Variants in BCAS3 observed in about 807,000 individuals in gnomAD.
The protein encoded by BCAS3 is BCAS3 microtubule associated cell migration factor.
In BCAS3, 53 loss-of-function variants were observed where a neutral mutation model predicts 116.1. That is an observed-to-expected ratio of 0.46 (90% CI 0.37 to 0.57). The LOEUF (loss-of-function observed/expected upper bound fraction) is 0.57. Among genes scored for constraint, BCAS3 ranks in the 20% least tolerant of loss-of-function variants. The pLI is 0.00. For missense variants in BCAS3, 917 were observed against 1,165.4 expected, an observed-to-expected ratio of 0.79 and a Z score of 3.10; for synonymous variants, 391 against 408.2, an observed-to-expected ratio of 0.96 and a Z score of 0.51.
In BCAS3 at chr17:61,131,441, A is replaced by G. The variant is rs1174836467; in HGVS notation, c.2425+46877A>G. On this transcript the variant is annotated intron_variant, in intron 22 of 23. Coordinates refer to ENST00000407086, the MANE Select transcript of BCAS3 (RefSeq NM_017679.5). The surrounding 1 kb of genome is among the most constrained non-coding windows in gnomAD (Gnocchi z 4.4). ...GTATGAAAATTATTAAGCCAGGGGT[A>G]TAAATTACAATTCGTTAAATAAATT... 6.6e-6 allele frequency among the ~76,000 whole-genome samples: 1 copy of G among 152,242 alleles called. No homozygotes were observed. Among genetic ancestry groups the G allele is most frequent in the Non-Finnish European group, 1.5e-5 (1 of 68,046 alleles).
intron 10 of BCAS3, among the ~76,000 whole-genome samples, chr17:60,892,366 G>A (rs143278806): frequency 6.7e-6 from 1 of 149,338 alleles, no homozygotes; most frequent in East Asian, 2.0e-4. Flanking sequence ...AGGCTAGAGT[G>A]CAATGGCATG....
chr17:61,321,462 C>G (rs1032589423), intron 22 of BCAS3, among the ~76,000 whole-genome samples: 2 of 152,200 alleles, frequency 1.3e-5, no homozygotes, highest in Non-Finnish European at 2.9e-5. Flanking sequence ...AATGCATGAG[C>G]AAAAGCAGCA....
At chr17:61,275,570 C>G (rs140013126) in intron 22 of BCAS3, among the ~76,000 whole-genome samples, 1 of 152,182 alleles carries the variant, frequency 6.6e-6, no homozygotes, top group African/African-American at 2.4e-5. Flanking sequence ...GGCACAATCA[C>G]AGTGAGCAGT....
chr17:61,292,888 A>G (rs1436214580), intron 22 of BCAS3, among the ~76,000 whole-genome samples: 2 of 152,330 alleles, frequency 1.3e-5, no homozygotes, highest in East Asian at 3.9e-4. Context: ...ATCAATACAT[A>G]CAGAATATTT....
chr17:60,680,040 A>G (rs1025665992), intron 2 of BCAS3, among the ~76,000 whole-genome samples: 2 of 149,832 alleles, frequency 1.3e-5, no homozygotes, highest in South Asian at 4.3e-4. Context: ...AGGCTGAGTC[A>G]GGAGAATGAC....
Position 61,226,796 on chromosome 17 carries a change from T to C in BCAS3, c.2426-141531T>C, listed in dbSNP as rs2082393516. Among the ~76,000 whole-genome samples, 1 of 151,928 alleles carries C rather than the reference T, an allele frequency of 6.6e-6. No individual in the cohort carries two copies. The highest frequency in any genetic ancestry group is 1.5e-5 in the Non-Finnish European group (1 of 67,932). On this transcript the variant is annotated intron_variant, in intron 22 of 23. Coordinates refer to ENST00000407086, the MANE Select transcript of BCAS3 (RefSeq NM_017679.5). This position sits in a 1 kb window ranked among gnomAD's most constrained non-coding sequence, Gnocchi z 6.0. ...TCATTTAATCCTCACAGCAGCCATA[T>C]GAGATTGCTGTTACTGTATCACATT... is the stretch of plus-strand genomic sequence containing the variant.
chr17:61,059,546 CCTT>C (rs2143285705), intron 19 of BCAS3, among the ~76,000 whole-genome samples: 1 of 152,140 alleles, frequency 6.6e-6, no homozygotes, highest in African/African-American at 2.4e-5. Context: ...GAATGAATAC[CCTT>C]CTTCCGTGAG....
Position 60,990,002 on chromosome 17 carries a change from G to T in BCAS3, c.1253G>T (p.Arg418Leu). 3 of 1,613,976 alleles carry T rather than the reference G, an allele frequency of 1.9e-6. No individual in the cohort carries two copies. The highest frequency in any genetic ancestry group is 1.7e-6 in the Non-Finnish European group (2 of 1,180,002). The change falls in exon 15 of 24, where the codon CGC (arginine) becomes CTC (leucine). Residue 418 changes from arginine (R) to leucine (L), a missense_variant. Transcript: ENST00000407086. This position sits in a 1 kb window ranked among gnomAD's most constrained non-coding sequence, Gnocchi z 5.1. ...GACATCTGCTTCAGCCATGACTGTCGCTGGGTTGTGGTCAGTACTCTCCGG... is the reference window on the plus strand; with the variant it reads ...GACATCTGCTTCAGCCATGACTGTCTCTGGGTTGTGGTCAGTACTCTCCGG... ...VQDICFSHDC[R>L]WVVVSTLRGT...
intron 7 of BCAS3, among the ~76,000 whole-genome samples, chr17:60,861,814 A>G (rs2054183803): frequency 6.6e-6 from 1 of 152,208 alleles, no homozygotes; most frequent in Non-Finnish European, 1.5e-5. Flanking sequence ...ATGTTGAACC[A>G]AACTTGCATC....
chr17:60,786,329 C>G (rs1213989060), intron 6 of BCAS3, among the ~76,000 whole-genome samples: 1 of 151,968 alleles, frequency 6.6e-6, no homozygotes, highest in Non-Finnish European at 1.5e-5. Context: ...GCACCTAATT[C>G]TGATTCCACC....
intron 19 of BCAS3, among the ~76,000 whole-genome samples, chr17:61,045,976 ATT>A (rs1491585726): frequency 8.1e-4 from 8 of 9,830 alleles, no homozygotes; most frequent in African/African-American, 1.4e-3. Context: ...ATATATATAT[ATT>A]ATATATATAT....
chr17:61,244,866 A>AT lies in BCAS3; in HGVS notation c.2426-123461_2426-123460insT, dbSNP rs2047809192. Among the ~76,000 whole-genome samples, 1 of 152,226 alleles carries AT rather than the reference A, an allele frequency of 6.6e-6. No individual in the cohort carries two copies. Among genetic ancestry groups the AT allele is most frequent in the African/African-American group, 2.4e-5 (1 of 41,452 alleles). On this transcript the variant is annotated intron_variant, in intron 22 of 23. Coordinates refer to ENST00000407086, the MANE Select transcript of BCAS3 (RefSeq NM_017679.5). This position sits in a 1 kb window ranked among gnomAD's most constrained non-coding sequence, Gnocchi z 4.9. ...CAACAGAGTGAGACTCCGTCTCAAA[A>AT]AAAATAAATAAATAAAAAAGGATAT...
chr17:60,777,264 T>G (rs1375197214), intron 6 of BCAS3, among the ~76,000 whole-genome samples: 1 of 152,178 alleles, frequency 6.6e-6, no homozygotes, highest in Non-Finnish European at 1.5e-5. Context: ...TTGCCACTAC[T>G]GTTATGAGAC....
At chr17:61,267,733 A>G (rs949859112) in intron 22 of BCAS3, among the ~76,000 whole-genome samples, 44 of 151,744 alleles carry the variant, frequency 2.9e-4, no homozygotes, top group Admixed American at 1.6e-3. Context: ...AGAAAAAAAA[A>G]AAAAGAAAAG....
intron 6 of BCAS3, among the ~76,000 whole-genome samples, chr17:60,751,171 A>G (rs2042421159): frequency 6.6e-6 from 1 of 152,196 alleles, no homozygotes; most frequent in Non-Finnish European, 1.5e-5. Flanking sequence ...TTTAATGGGC[A>G]TTTACTCATG....
rs138396075 is a variant in BCAS3 at position 61,366,115 on chromosome 17, C to T, written c.2426-2212C>T. ...CCAAGATCATACCACTGCACTCCAT[C>T]CTGGGCGACAGAGTGAGACTGTCTC... On this transcript the variant is annotated intron_variant, in intron 22 of 23. Transcript: ENST00000407086. The surrounding 1 kb of genome is among the most constrained non-coding windows in gnomAD (Gnocchi z 4.5). Among the ~76,000 whole-genome samples the T allele has an allele frequency of 3.6e-3, 534 of 150,170 alleles. 5 individuals are homozygous for T. The highest frequency in any genetic ancestry group is 4.1e-3 in the Non-Finnish European group (275 of 67,722).
chr17:60,975,521 A>AT (rs1427984965), intron 14 of BCAS3, among the ~76,000 whole-genome samples: 2 of 152,168 alleles, frequency 1.3e-5, no homozygotes, highest in East Asian at 3.9e-4. Flanking sequence ...TGTTCCTTTC[A>AT]TTTTTTTATG....
At chr17:60,811,379 A>G (rs1053952040) in intron 7 of BCAS3, 1 of 619,276 alleles carries the variant, frequency 1.6e-6, no homozygotes, top group African/African-American at 1.8e-5. Flanking sequence ...CTCCAGGCAA[A>G]CCATCCAGAA....
At chr17:61,335,918 C>T (rs2056683448) in intron 22 of BCAS3, among the ~76,000 whole-genome samples, 3 of 152,394 alleles carry the variant, frequency 2.0e-5, no homozygotes. Context: ...CCCAGCCTAG[C>T]AGCTGTGGCT....
Sources: gnomAD v4.1 joint callset for allele counts (sites outside exome capture counted in the v4.1 genomes callset) on GRCh38, gnomAD v4.1.1 for gene constraint, Gnocchi (gnomAD v3.1) non-coding constraint, MANE v1.5 for transcripts, NCBI Gene and HGNC (gene_info 2026-07-23, HGNC 2026-07-21) for gene names.